CPT2: variants seen among roughly 807,000 people sequenced by gnomAD.
CPT2 encodes the protein carnitine O-palmitoyltransferase 2, mitochondrial.
CPT2 carries 37 observed loss-of-function variants against 48.6 expected under a neutral mutation model. The observed-to-expected ratio is 0.76, with a 90% CI of 0.59 to 1.00. The LOEUF (loss-of-function observed/expected upper bound fraction) is 1.00, where lower values mean the gene tolerates loss of function less well. Among genes scored for constraint, CPT2 ranks in the 50% least tolerant of loss-of-function variants. CPT2 has a pLI of 0.00. For missense variants in CPT2, 772 were observed against 825.6 expected (o/e 0.94, Z 0.80); for synonymous variants, 319 against 326.9 (o/e 0.98, Z 0.26).
chr1:53,208,990 A>G (rs1166371506), intron 3 of CPT2: 2 of 152,236 alleles, frequency 1.3e-5, no homozygotes, highest in Non-Finnish European at 2.9e-5. Context: ...AAGGTTAAAC[A>G]GAGACTTACC....
Position 53,213,544 on chromosome 1 carries a change from GGCCTTAGAAGACATGTTTGAT to G in CPT2, c.1937_1957del (p.Asp646_Glu652del). ...GGGAGTTTCTCCAATGTGTGGAGAA[GGCCTTAGAAGACATGTTTGAT>G]GCCTTAGAAGGCAAATCCATCAAAA... On this transcript the variant is annotated inframe_deletion, in exon 5 of 5. Coordinates refer to ENST00000371486, the MANE Select transcript of CPT2 (RefSeq NM_000098.3). 6.2e-7 allele frequency: 1 copy of G among 1,614,212 alleles called. No homozygotes were observed. The highest frequency in any genetic ancestry group is 8.5e-7 in the Non-Finnish European group (1 of 1,180,034).
At chr1:53,200,531 C>A in intron 1 of CPT2, 188 bp from the exon 2 acceptor site, 1 of 569,790 alleles carries the variant, frequency 1.8e-6, no homozygotes, top group Non-Finnish European at 3.2e-6. Flanking sequence ...TGTTATTTTA[C>A]TTAAAAGTAG....
chr1:53,201,893 T>C (rs983889110), intron 2 of CPT2: 2 of 220,074 alleles, frequency 9.1e-6, no homozygotes, highest in Non-Finnish European at 1.8e-5. Context: ...TCTAAATCCT[T>C]AGCTTTATAA....
chr1:53,202,810 A>T, intron 3 of CPT2: 1 of 273,604 alleles, frequency 3.7e-6, no homozygotes, highest in South Asian at 4.2e-5. Flanking sequence ...TTCCTGCTAA[A>T]CTCCTCATTG....
chr1:53,206,717 C>T (rs887262601), intron 3 of CPT2, among the ~76,000 whole-genome samples: 1 of 152,234 alleles, frequency 6.6e-6, no homozygotes, highest in African/African-American at 2.4e-5. Context: ...GCTTGTAACA[C>T]CAGTGTATCT....
In CPT2 at chr1:53,211,364, G is replaced by A. The variant is rs757895487; in HGVS notation, c.1645+45G>A. On this transcript the variant is annotated intron_variant, in intron 4 of 4. Coordinates refer to ENST00000371486, the MANE Select transcript of CPT2 (RefSeq NM_000098.3). ...CATGCCCTTGGGTCTTGTCCTCAGT[G>A]CTTGGGTAAGCAAGCCTAAATCATT... 41 of 1,512,982 alleles carry A rather than the reference G, an allele frequency of 2.7e-5. 1 individual carries two copies. The South Asian group carries it at 4.8e-4, about 18-fold the overall frequency. 93.7% of individuals were successfully genotyped at this position (1,512,982 alleles called of 1,614,324 possible).
At chr1:53,200,596 C>T (rs1391219755) in intron 1 of CPT2, 123 bp from the exon 2 acceptor site, 13 of 795,760 alleles carry the variant, frequency 1.6e-5, no homozygotes, top group South Asian at 2.7e-5. Context: ...ATTTGTCAGT[C>T]GCTTCTGATT....
intron 3 of CPT2, among the ~76,000 whole-genome samples, chr1:53,206,844 TG>T: frequency 6.6e-6 from 1 of 152,342 alleles, no homozygotes; most frequent in South Asian, 2.1e-4. Context: ...GTTAAGACTC[TG>T]GGGCACTGTT....
chr1:53,204,662 C>T (rs1645376538), intron 3 of CPT2, among the ~76,000 whole-genome samples: 1 of 152,112 alleles, frequency 6.6e-6, no homozygotes. Context: ...TGTCCCCACC[C>T]AAATCTCATC....
At chr1:53,205,669 C>T (rs920549742) in intron 3 of CPT2, among the ~76,000 whole-genome samples, 74 of 152,356 alleles carry the variant, frequency 4.9e-4, no homozygotes, top group Admixed American at 4.1e-3. Context: ...CCAGCATAGG[C>T]CCAGAGGCCT....
chr1:53,211,319 G>C lies in CPT2; in HGVS notation c.1645G>C (p.Gly549Arg). ...HGQLTKEAAM[G>R]QGFDRHLFAL... ...CCAGCTGACCAAAGAAGCAGCAATG[G>C]GTGAGGCAGGGGTGGGGAGCATGCC... The change falls in exon 4 of 5, where the codon GGC (glycine) becomes CGC (arginine). Residue 549 changes from glycine (G) to arginine (R), a missense_variant and splice_region_variant. Gly to Arg is a moderately radical substitution (Grantham distance 125). Coordinates refer to ENST00000371486, the MANE Select transcript of CPT2 (RefSeq NM_000098.3). 1 of 1,598,060 alleles carries C rather than the reference G, an allele frequency of 6.3e-7. No homozygotes were observed. Among genetic ancestry groups the C allele is most frequent in the East Asian group, 2.3e-5 (1 of 43,808 alleles).
intron 3 of CPT2, chr1:53,209,465 A>G (rs1645407403): frequency 6.1e-6 from 1 of 164,304 alleles, no homozygotes; most frequent in African/African-American, 2.4e-5. Flanking sequence ...ATAATGGAAC[A>G]TTGTTCAGCG....
At chr1:53,206,761 C>A (rs1001245151) in intron 3 of CPT2, among the ~76,000 whole-genome samples, 2 of 152,186 alleles carry the variant, frequency 1.3e-5, no homozygotes, top group Non-Finnish European at 1.5e-5. Context: ...ATTTTACAGA[C>A]TCATAGGCAG....
intron 3 of CPT2, chr1:53,208,608 T>C (rs1207061256): frequency 1.3e-5 from 2 of 152,330 alleles, no homozygotes; most frequent in African/African-American, 4.8e-5. Flanking sequence ...AGAAGGACAA[T>C]GAAGACGTTC....
Position 53,210,181 on chromosome 1 carries a change from C to G in CPT2, c.507C>G (p.Gly169=), listed in dbSNP as rs769316736. ...AIRFLKTLRA[G]LLEPEVFHLN... Reference sequence around the variant, plus strand: ...GGTTTCTGAAGACACTCCGGGCTGGCCTTCTGGAGCCAGAAGTGTTCCACT... The same window carrying G: ...GGTTTCTGAAGACACTCCGGGCTGGGCTTCTGGAGCCAGAAGTGTTCCACT... Residue 169 remains glycine, a synonymous_variant, in exon 4 of 5, where the codon GGC becomes GGG. Coordinates refer to ENST00000371486, the MANE Select transcript of CPT2 (RefSeq NM_000098.3). The G allele has an allele frequency of 6.2e-7, 1 of 1,614,120 alleles. No homozygotes were observed.
intron 2 of CPT2, 196 bp downstream of exon 2, chr1:53,200,995 A>C (rs1645351965): frequency 3.2e-6 from 2 of 628,652 alleles, no homozygotes; most frequent in African/African-American, 3.6e-5. Flanking sequence ...AGTTCCTCTA[A>C]ACAGGCTCAA....
At position 53,206,253 on chromosome 1, in the gene CPT2, T is replaced by G. The variant is rs539375811; in HGVS notation, c.341-3762T>G. On this transcript the variant is annotated intron_variant, in intron 3 of 4. Coordinates refer to ENST00000371486, the MANE Select transcript of CPT2 (RefSeq NM_000098.3). ...GAGGCTATATGGAAACACCTGGATGTCCAGGCAGAAGTCTGCTGCAGGGGT... is the reference window on the plus strand; with the variant it reads ...GAGGCTATATGGAAACACCTGGATGGCCAGGCAGAAGTCTGCTGCAGGGGT... 2.6e-4 allele frequency among the ~76,000 whole-genome samples: 40 copies of G among 151,220 alleles called. 1 individual carries two copies. The South Asian group carries it at 8.2e-3, about 31-fold the overall frequency.
In CPT2 at chr1:53,214,112, G is replaced by A. The variant is rs574256743; in HGVS notation, c.*517G>A. On this transcript the variant is annotated 3_prime_UTR_variant, in exon 5 of 5. Transcript: ENST00000371486. ...GATAACAAGAGATTTAAGTTTTAAG[G>A]GCATTTAATCAGGAGGAAAGGTTTG... The A allele has an allele frequency of 3.6e-5, 6 of 165,050 alleles. No homozygotes were observed. The highest frequency in any genetic ancestry group is 6.7e-5 in the Non-Finnish European group (5 of 75,118). The allele number at this position is 165,050 out of a possible 1,614,324, so 10.2% of individuals were successfully genotyped here.
chr1:53,213,610 A>G lies in CPT2; in HGVS notation c.*15A>G. On this transcript the variant is annotated 3_prime_UTR_variant, in exon 5 of 5. Transcript: ENST00000371486. ...TCAAAAGTTAACTTCTGGGCAGATG[A>G]AAAGCTACCATCACTTCCTCATCAT... The G allele has an allele frequency of 6.2e-7, 1 of 1,606,310 alleles. No individual in the cohort carries two copies. Among genetic ancestry groups the G allele is most frequent in the Non-Finnish European group, 8.5e-7 (1 of 1,175,486 alleles).
Sources: allele counts gnomAD v4.1 joint callset (sites outside exome capture counted in the v4.1 genomes callset), GRCh38; gene constraint gnomAD v4.1.1; transcripts MANE v1.5; gene names NCBI Gene and HGNC (gene_info 2026-07-23, HGNC 2026-07-21).